Variants in APP observed in about 807,000 individuals in gnomAD.
APP encodes amyloid beta precursor protein.
Under a neutral mutation model 101.4 loss-of-function variants are expected in APP, and 31 were observed. The ratio of observed to expected loss-of-function variants is 0.31; its 90% CI spans 0.23 to 0.41. APP has a LOEUF of 0.41. APP is among the 10% of genes least tolerant of loss of function. The pLI, the probability that APP is intolerant of heterozygous loss-of-function variation, is 1.00. For missense variants in APP, 839 were observed against 1,003.7 expected (o/e 0.84, Z 2.22); for synonymous variants, 366 against 364.4 (o/e 1.00, Z -0.05).
chr21:25,911,080 T>A (rs1482343791), intron 14 of APP, among the ~76,000 whole-genome samples: 1 of 152,224 alleles, frequency 6.6e-6, no homozygotes. Flanking sequence ...ACCTCACAGT[T>A]AAAAAACATT....
intron 3 of APP, among the ~76,000 whole-genome samples, chr21:26,080,561 G>A (rs1467228421): frequency 6.6e-6 from 1 of 151,924 alleles, no homozygotes; most frequent in Non-Finnish European, 1.5e-5. Flanking sequence ...GAGGTCAGGA[G>A]TTCAAGACCA....
Position 25,892,428 on chromosome 21 carries a change from C to T in APP, c.2065-560G>A, listed in dbSNP as rs143750251. 7.9e-5 allele frequency among the ~76,000 whole-genome samples: 12 copies of T among 151,854 alleles called. No individual in the cohort carries two copies. In the East Asian group the frequency reaches 1.4e-3, roughly 17 times the overall value. On this transcript the variant is annotated intron_variant, in intron 16 of 17. Coordinates refer to ENST00000346798, the MANE Select transcript of APP (RefSeq NM_000484.4). ...ATGCACAGGAATAGGCATTCTGAAACAAAGGAGTTAAACAATAGAAAAAAA... is the reference window on the plus strand; with the variant it reads ...ATGCACAGGAATAGGCATTCTGAAATAAAGGAGTTAAACAATAGAAAAAAA...
intron 13 of APP, among the ~76,000 whole-genome samples, chr21:25,937,609 T>C (rs1180309397): frequency 1.3e-5 from 2 of 152,202 alleles, no homozygotes; most frequent in East Asian, 3.8e-4. Context: ...AGAATGTCAG[T>C]ATCAATGATA....
intron 16 of APP, among the ~76,000 whole-genome samples, chr21:25,892,379 A>G (rs2037757206): frequency 1.3e-5 from 2 of 152,218 alleles, no homozygotes; most frequent in African/African-American, 4.8e-5. Flanking sequence ...CAGATGTCCT[A>G]ATTTCCTTGG....
intron 1 of APP, among the ~76,000 whole-genome samples, chr21:26,148,383 G>C (rs182619194): frequency 6.6e-6 from 1 of 152,246 alleles, no homozygotes; most frequent in East Asian, 1.9e-4. Context: ...GCTGTGTCCC[G>C]AACCAACATT....
intron 3 of APP, among the ~76,000 whole-genome samples, chr21:26,061,916 A>AT (rs1390823481): frequency 6.6e-6 from 1 of 152,178 alleles, no homozygotes; most frequent in Non-Finnish European, 1.5e-5. Flanking sequence ...CAGAGTGAGT[A>AT]TAAGACAGAA....
intron 5 of APP, among the ~76,000 whole-genome samples, chr21:26,034,638 CA>C (rs201287871): frequency 2.9e-4 from 5 of 17,126 alleles, no homozygotes; most frequent in East Asian, 2.0e-3. Context: ...CAAGACTTCT[CA>C]AAAAAAAAAA....
At chr21:25,911,228 T>G (rs78083384) in intron 14 of APP, among the ~76,000 whole-genome samples, 411 of 152,360 alleles carry the variant, frequency 2.7e-3, no homozygotes, top group Non-Finnish European at 4.5e-3. Flanking sequence ...TGTTATATAA[T>G]GTACCATTTT....
intron 13 of APP, among the ~76,000 whole-genome samples, chr21:25,918,696 G>C (rs1430922704): frequency 6.6e-6 from 1 of 151,684 alleles, no homozygotes; most frequent in African/African-American, 2.4e-5. Context: ...GGCGCACCAC[G>C]AGACTATATC....
intron 14 of APP, among the ~76,000 whole-genome samples, chr21:25,905,356 G>A (rs752347523): frequency 6.6e-6 from 1 of 152,160 alleles, no homozygotes; most frequent in Non-Finnish European, 1.5e-5. Context: ...AAGAAGAGGG[G>A]TGGGGAGGGT....
chr21:26,116,511 G>C (rs1287655380), intron 1 of APP, among the ~76,000 whole-genome samples: 1 of 152,138 alleles, frequency 6.6e-6, no homozygotes, highest in African/African-American at 2.4e-5. Flanking sequence ...AAGTTCTCTT[G>C]TTGTCCTTTC....
intron 1 of APP, among the ~76,000 whole-genome samples, chr21:26,119,837 CAGAG>C (rs930963182): frequency 9.2e-5 from 14 of 152,246 alleles, no homozygotes; most frequent in African/African-American, 3.1e-4. Context: ...CTGGGCTCCT[CAGAG>C]AGAGTGGTTT....
chr21:25,961,592 C>T (rs769461672), intron 11 of APP, among the ~76,000 whole-genome samples: 1 of 152,170 alleles, frequency 6.6e-6, no homozygotes, highest in Non-Finnish European at 1.5e-5. Context: ...CCAGGCTTAA[C>T]ATTTGTTATT....
At chr21:26,013,189 C>T (rs1462697883) in intron 6 of APP, among the ~76,000 whole-genome samples, 6 of 151,748 alleles carry the variant, frequency 4.0e-5, no homozygotes, top group Admixed American at 6.6e-5. Flanking sequence ...CGGTTGTGTG[C>T]GCCTGTAATC....
chr21:26,132,527 A>G (rs2146278698), intron 1 of APP, among the ~76,000 whole-genome samples: 1 of 152,310 alleles, frequency 6.6e-6, no homozygotes, highest in East Asian at 1.9e-4. Context: ...TACCTTTAAA[A>G]AAAAGTTTCT....
chr21:26,094,518 CAG>C (rs1230259155), intron 2 of APP, among the ~76,000 whole-genome samples: 1 of 150,518 alleles, frequency 6.6e-6, no homozygotes, highest in Non-Finnish European at 1.5e-5. Flanking sequence ...AGTAAACATC[CAG>C]AGAGGAAAAA....
intron 1 of APP, among the ~76,000 whole-genome samples, chr21:26,168,627 C>T (rs1376230452): frequency 1.3e-5 from 2 of 152,160 alleles, no homozygotes; most frequent in African/African-American, 4.8e-5. Flanking sequence ...TTCAAAAATA[C>T]GGTTATCATA....
At chr21:26,082,283 G>T (rs567738042) in intron 3 of APP, among the ~76,000 whole-genome samples, 1,670 of 152,220 alleles carry the variant, frequency 0.011, 21 homozygotes, top group Middle Eastern at 0.024. Context: ...TCTTTGATAT[G>T]TTAAATGTTG....
At chr21:25,942,461 A>T (rs1183140894) in intron 13 of APP, 1 of 152,226 alleles carries the variant, frequency 6.6e-6, no homozygotes, top group Non-Finnish European at 1.5e-5. Flanking sequence ...AAACGATAGG[A>T]GTAAGAACGG....
Sources: gnomAD v4.1 joint callset for allele counts (sites outside exome capture counted in the v4.1 genomes callset) on GRCh38, gnomAD v4.1.1 for gene constraint, MANE v1.5 for transcripts, NCBI Gene and HGNC (gene_info 2026-07-23, HGNC 2026-07-21) for gene names.